Variants in SCRIB observed in about 807,000 individuals in gnomAD.
The protein encoded by SCRIB is protein scribble homolog.
Under a neutral mutation model 170.0 loss-of-function variants are expected in SCRIB, and 72 were observed. The observed-to-expected ratio is 0.42, with a 90% CI of 0.35 to 0.52. The LOEUF (loss-of-function observed/expected upper bound fraction) is 0.52. Ranked by LOEUF, SCRIB falls within the 20% of genes least tolerant of loss-of-function variation. SCRIB has a pLI of 0.02. For missense variants in SCRIB, 2,475 were observed against 2,338.5 expected (o/e 1.06, Z -1.20); for synonymous variants, 1,298 against 1,044.3 (o/e 1.24, Z -4.68).
intron 24 of SCRIB, among the ~76,000 whole-genome samples, chr8:143,797,203 A>C (rs1554634239): frequency 6.6e-6 from 1 of 152,234 alleles, no homozygotes; most frequent in African/African-American, 2.4e-5. Flanking sequence ...CAGGTCCTCA[A>C]GCCCCTTCCG....
At chr8:143,792,946 G>C in intron 29 of SCRIB, 30 bp downstream of exon 29, 1 of 1,499,898 alleles carries the variant, frequency 6.7e-7, no homozygotes, top group Non-Finnish European at 8.9e-7. Context: ...CCAACCACGC[G>C]CAGCAGGGAG....
At chr8:143,812,200 G>A in intron 9 of SCRIB, 66 bp downstream of exon 9, 1 of 1,045,630 alleles carries the variant, frequency 9.6e-7, no homozygotes, top group South Asian at 1.3e-5. Flanking sequence ...GACACAGGCT[G>A]ATGCCCTGTC....
At chr8:143,814,805 G>C (rs756484793) in intron 1 of SCRIB, 1 of 199,470 alleles carries the variant, frequency 5.0e-6, no homozygotes, top group Non-Finnish European at 1.0e-5. Flanking sequence ...AGAGCAAAGA[G>C]TACATCAAGA....
chr8:143,792,465 T>C lies in SCRIB; in HGVS notation c.4328+20A>G, dbSNP rs1190381721. ...GGGCACGTGGGGTGAGTAGGGGGCG[T>C]CTGGTGGGCGGGTGCTCACCTTGAG... On this transcript the variant is annotated intron_variant, in intron 31 of 36. Transcript: ENST00000356994. The C allele has an allele frequency of 4.6e-6, 7 of 1,520,876 alleles. No individual in the cohort carries two copies. The highest frequency in any genetic ancestry group is 6.2e-6 in the Non-Finnish European group (7 of 1,137,590). 94.2% of individuals were successfully genotyped at this position (1,520,876 alleles called of 1,614,324 possible). A position where few individuals can be genotyped will look rare whatever the true frequency, so the allele number is the denominator to read the frequency against.
Position 143,810,488 on chromosome 8 carries a change from A to G in SCRIB, c.1521T>C (p.Pro507=). Residue 507 remains proline, a synonymous_variant, in exon 13 of 37, where the codon CCT becomes CCC. Coordinates refer to ENST00000356994, the MANE Select transcript of SCRIB (RefSeq NM_182706.5). The stretch of plus-strand genomic sequence containing the variant: ...GTGGCTCCATGCCCACCTCCTCTGC[A>G]GGCAAGGGCGACCCAGAGTCTGGCT... ...PCQPDSGSPL[P]AEEEKRLSAE... is the part of the protein sequence containing the mutation. 6.2e-7 allele frequency: 1 copy of G among 1,608,768 alleles called. No homozygotes were observed. Among genetic ancestry groups the G allele is most frequent in the Non-Finnish European group, 8.5e-7 (1 of 1,179,748 alleles).
intron 17 of SCRIB, 71 bp downstream of exon 17, chr8:143,806,853 G>C: frequency 9.2e-7 from 1 of 1,090,120 alleles, no homozygotes; most frequent in Non-Finnish European, 1.3e-6. Flanking sequence ...CAAGGGGCCT[G>C]TGTGCCATCA....
intron 27 of SCRIB, chr8:143,794,193 C>G: frequency 1.9e-6 from 1 of 537,226 alleles, no homozygotes; most frequent in Non-Finnish European, 3.4e-6. Context: ...TGGCAGTGTG[C>G]TGGCTGGAGC....
At position 143,810,710 on chromosome 8, in the gene SCRIB, A is replaced by G; in HGVS notation, c.1380T>C (p.Ala460=). Residue 460 remains alanine (A), a synonymous_variant, in exon 12 of 37, where the codon GCT becomes GCC. Transcript: ENST00000356994. ...CCCGCTTCTCAGCTGCAGCTTCCTCAGCGTCCTCATCACCTATGGGGGCCT... is the reference window on the plus strand; with the variant it reads ...CCCGCTTCTCAGCTGCAGCTTCCTCGGCGTCCTCATCACCTATGGGGGCCT... ...FLEAPIGDED[A]EEAAAEKRGL... is the part of the protein sequence containing the mutation. 1 of 1,605,290 alleles carries G rather than the reference A, an allele frequency of 6.2e-7. No homozygotes were observed. The highest frequency in any genetic ancestry group is 1.1e-5 in the South Asian group (1 of 90,764).
chr8:143,814,157 A>T, intron 1 of SCRIB, 39 bp from the exon 2 acceptor site: 2 of 1,485,862 alleles, frequency 1.3e-6, no homozygotes, highest in Non-Finnish European at 1.8e-6. Flanking sequence ...GGCAGAGACC[A>T]CTGCAGAGCA....
chr8:143,814,061 G>C lies in SCRIB; in HGVS notation c.217C>G (p.Arg73Gly). The C allele has an allele frequency of 6.4e-7, 1 of 1,557,248 alleles. No individual in the cohort carries two copies. Reference sequence around the variant, plus strand: ...AAGTTGGCCACCTCGGGAGGCAACCGCTGGATCTCGTTGTCGCTCAGGCCC... The same window carrying C: ...AAGTTGGCCACCTCGGGAGGCAACCCCTGGATCTCGTTGTCGCTCAGGCCC... ...KLGLSDNEIQ[R>G]LPPEVANFMQ... The change falls in exon 2 of 37, where the codon CGG becomes GGG. Residue 73 changes from arginine to glycine, a missense_variant. By Grantham distance (125) the Arg-to-Gly change is moderately radical. Transcript: ENST00000356994.
intron 3 of SCRIB, 33 bp downstream of exon 3, chr8:143,813,785 C>T (rs1815876826): frequency 6.2e-7 from 1 of 1,608,414 alleles, no homozygotes; most frequent in African/African-American, 1.3e-5. Context: ...GGACCCATAG[C>T]CCCTACCGAC....
At chr8:143,797,570 C>T (rs551804017) in intron 24 of SCRIB, among the ~76,000 whole-genome samples, 91 of 152,340 alleles carry the variant, frequency 6.0e-4, no homozygotes, top group Non-Finnish European at 8.1e-4. Flanking sequence ...CAGGGGGAAA[C>T]CTGGCTGACC....
intron 14 of SCRIB, among the ~76,000 whole-genome samples, 158 bp downstream of exon 14, chr8:143,809,393 T>C (rs1052596044): frequency 2.6e-5 from 4 of 151,996 alleles, no homozygotes; most frequent in African/African-American, 7.2e-5. Flanking sequence ...AGCACGGCCC[T>C]GCACCACCCG....
chr8:143,803,397 C>T lies in SCRIB; in HGVS notation c.3589G>A (p.Asp1197Asn), dbSNP rs979978685. ...GGATCGCTAACCTCCAGGGCTGCGT[C>T]GGTGCTGGCCTCAAAGCCGTCACAG... ...LVCDGFEAST[D>N]AALEVSPGVI... Residue 1197 changes from aspartate to asparagine, a missense_variant, in exon 24 of 37, where the codon GAC becomes AAC. By Grantham distance (23) the Asp-to-Asn change is conservative. Transcript: ENST00000356994. The T allele has an allele frequency of 2.1e-5, 33 of 1,580,740 alleles. No homozygotes were observed. Among genetic ancestry groups the T allele is most frequent in the African/African-American group, 4.0e-5 (3 of 74,418 alleles).
rs372264860 is a variant in SCRIB, at chr8:143,809,649, C to T, written c.1600G>A (p.Ala534Thr). ...TCAGCCGACGGGCCCTCGGGCTCAG[C>T]CTCAGAGACTGTGCTGGCAGATGGG... is the stretch of plus-strand genomic sequence containing the variant. ...SRPSASTVSE[A>T]EPEGPSAEAQ... The change falls in exon 14 of 37, where the codon GCT becomes ACT. Residue 534 changes from alanine (A) to threonine (T), a missense_variant. By Grantham distance (58) the Ala-to-Thr change is moderately conservative (BLOSUM62 0). This residue lies in a region of SCRIB where 1,966 missense variants were observed against 1,742.9 expected (regional missense o/e 1.13). Coordinates refer to ENST00000356994, the MANE Select transcript of SCRIB (RefSeq NM_182706.5). 11 of 1,611,442 alleles carry T rather than the reference C, an allele frequency of 6.8e-6. No homozygotes were observed. The South Asian group carries it at 1.2e-4, about 18-fold the overall frequency.
At chr8:143,799,433 G>A (rs541244499) in intron 24 of SCRIB, among the ~76,000 whole-genome samples, 1 of 152,386 alleles carries the variant, frequency 6.6e-6, no homozygotes, top group East Asian at 1.9e-4. Context: ...AGCGTGACCA[G>A]GAGGAAGAGG....
At chr8:143,799,354 G>A (rs1020975684) in intron 24 of SCRIB, among the ~76,000 whole-genome samples, 2 of 152,244 alleles carry the variant, frequency 1.3e-5, no homozygotes, top group Non-Finnish European at 2.9e-5. Context: ...TGATGACAAG[G>A]GAGAGGTGGT....
chr8:143,804,251 G>A, intron 21 of SCRIB, 95 bp from the exon 22 acceptor site: 1 of 930,682 alleles, frequency 1.1e-6, no homozygotes. Flanking sequence ...CTTGGGGATG[G>A]CGGGCGGGGG....
intron 8 of SCRIB, 24 bp downstream of exon 8, chr8:143,812,793 C>T (rs753845706): frequency 3.8e-6 from 6 of 1,591,434 alleles, no homozygotes; most frequent in Non-Finnish European, 5.1e-6. Context: ...TGTGCCCCAC[C>T]CAGGCACCCC....
Sources: gnomAD v4.1 joint callset for allele counts (sites outside exome capture counted in the v4.1 genomes callset) on GRCh38, gnomAD v4.1.1 for gene constraint, gnomAD v4.1.1 regional missense constraint, MANE v1.5 for transcripts, NCBI Gene and HGNC (gene_info 2026-07-23, HGNC 2026-07-21) for gene names.